PTPRN2: variants seen among roughly 807,000 people sequenced by gnomAD.
PTPRN2 encodes protein tyrosine phosphatase receptor type N2, also known as receptor-type tyrosine-protein phosphatase N2.
PTPRN2 carries 74 observed loss-of-function variants against 118.8 expected under a neutral mutation model. The observed-to-expected ratio is 0.62, with a 90% CI of 0.52 to 0.76. PTPRN2 has a LOEUF of 0.76. Among genes scored for constraint, PTPRN2 ranks in the 30% least tolerant of loss-of-function variants. The probability of loss-of-function intolerance (pLI) is 0.00; values close to 1 mark genes in which losing one functional copy is unlikely to be tolerated. For missense variants in PTPRN2, 1,481 were observed against 1,394.4 expected (o/e 1.06, Z -0.99); for synonymous variants, 641 against 608.0 (o/e 1.05, Z -0.80).
intron 6 of PTPRN2, among the ~76,000 whole-genome samples, chr7:158,149,441 TAA>T (rs112794279): frequency 1.0e-3 from 145 of 143,134 alleles, no homozygotes; most frequent in East Asian, 3.0e-3. Context: ...TCTCAAGAGG[TAA>T]AAAAAAAAAA....
At chr7:157,644,422 A>T (rs949604645) in intron 14 of PTPRN2, among the ~76,000 whole-genome samples, 3 of 152,202 alleles carry the variant, frequency 2.0e-5, no homozygotes, top group Admixed American at 2.0e-4. Context: ...CCAGCAGGCC[A>T]GGGCAGGCCC....
chr7:157,614,165 G>A (rs954799860), intron 15 of PTPRN2: 8 of 461,784 alleles, frequency 1.7e-5, no homozygotes, highest in Admixed American at 7.1e-5. Flanking sequence ...GGGAGGACAG[G>A]GGAGGGCCAG....
chr7:157,825,058 C>T (rs1456819010), intron 12 of PTPRN2, among the ~76,000 whole-genome samples: 2 of 152,210 alleles, frequency 1.3e-5, no homozygotes, highest in Admixed American at 1.3e-4. Context: ...GGATTCTTCA[C>T]CATCCCAGGC....
intron 6 of PTPRN2, among the ~76,000 whole-genome samples, chr7:158,147,659 C>A (rs1585621615): frequency 8.1e-6 from 1 of 123,412 alleles, no homozygotes; most frequent in East Asian, 2.6e-4. Flanking sequence ...TCTCATGCCA[C>A]GTGTCTTTCC....
Position 157,618,166 on chromosome 7 carries a change from G to C in PTPRN2, c.2344+3196C>G, listed in dbSNP as rs1020274501. 1.3e-5 allele frequency: 2 copies of C among 152,264 alleles called. No homozygotes were observed. The highest frequency in any genetic ancestry group is 1.5e-5 in the Non-Finnish European group (1 of 68,060). The allele number at this position is 152,264 out of a possible 1,614,324, so 9.4% of individuals were successfully genotyped here. A position where few individuals can be genotyped will look rare whatever the true frequency, so the allele number is the denominator to read the frequency against. ...AGTCGGGCGACTGTGTCCATCTCCT[G>C]GGTGGAAGAATGACCCAGGGAAGTG... On this transcript the variant is annotated intron_variant, in intron 15 of 22. Transcript: ENST00000389418. The surrounding 1 kb of genome is among the most constrained non-coding windows in gnomAD (Gnocchi z 4.2).
chr7:158,066,780 G>T (rs529378705), intron 11 of PTPRN2, among the ~76,000 whole-genome samples: 8 of 152,068 alleles, frequency 5.3e-5, no homozygotes, highest in Non-Finnish European at 7.4e-5. Context: ...AGGTGACTCT[G>T]GACCTCAGGA....
Position 157,615,183 on chromosome 7 carries a change from G to A in PTPRN2, c.2344+6179C>T, listed in dbSNP as rs1013289131. On this transcript the variant is annotated intron_variant, in intron 15 of 22. Transcript: ENST00000389418. The surrounding 1 kb of genome is among the most constrained non-coding windows in gnomAD (Gnocchi z 4.3). ...CAGCGTGGGTGGTGGGTGTGCAGGC[G>A]ATGCCACGCTACCCCTTCCACTTGA... 3.3e-5 allele frequency among the ~76,000 whole-genome samples: 5 copies of A among 152,358 alleles called. No individual in the cohort carries two copies. The highest frequency in any genetic ancestry group is 4.8e-5 in the African/African-American group (2 of 41,580).
At chr7:157,799,701 C>A (rs2076947235) in intron 12 of PTPRN2, among the ~76,000 whole-genome samples, 1 of 152,114 alleles carries the variant, frequency 6.6e-6, no homozygotes, top group African/African-American at 2.4e-5. Flanking sequence ...GCTGGCTTTG[C>A]ACCCACCAAG....
intron 2 of PTPRN2, 117 bp downstream of exon 2, chr7:158,489,618 G>A (rs1821288232): frequency 1.9e-6 from 2 of 1,076,692 alleles, no homozygotes; most frequent in East Asian, 3.1e-5. Context: ...CCTCTCGGCA[G>A]CGCGCCCCGG....
chr7:157,981,276 G>A (rs904824473), intron 11 of PTPRN2, among the ~76,000 whole-genome samples: 2 of 152,198 alleles, frequency 1.3e-5, no homozygotes, highest in Non-Finnish European at 2.9e-5. Context: ...GACGAGACAT[G>A]GAGAAGGCTT....
chr7:158,008,140 TGTGTGA>T (rs1462553687), intron 11 of PTPRN2, among the ~76,000 whole-genome samples: 8 of 45,234 alleles, frequency 1.8e-4, no homozygotes, highest in African/African-American at 4.8e-4. Context: ...CATGTACACA[TGTGTGA>T]GTGTGTGTGG....
chr7:158,319,743 TCACA>T lies in PTPRN2; in HGVS notation c.164-2815_164-2812del, dbSNP rs1300310599. On this transcript the variant is annotated intron_variant, in intron 2 of 22. Transcript: ENST00000389418. ...CCCTCACACACACTCACAGTCTCCC[TCACA>T]CACACAGCCTCCCTCACACACACAG... Among the ~76,000 whole-genome samples the T allele has an allele frequency of 4.3e-3, 47 of 11,038 alleles. 14 individuals carry two copies. The highest frequency in any genetic ancestry group is 0.036 in the African/African-American group (47 of 1,306). The allele number at this position is 11,038 out of a possible 152,430, so 7.2% of individuals were successfully genotyped here.
intron 2 of PTPRN2, among the ~76,000 whole-genome samples, chr7:158,460,605 G>A (rs115505033): frequency 2.0e-5 from 3 of 152,262 alleles, no homozygotes; most frequent in South Asian, 2.1e-4. Flanking sequence ...CTGCTACGGG[G>A]GCTGTGTGCC....
intron 9 of PTPRN2, among the ~76,000 whole-genome samples, chr7:158,117,376 G>GA (rs1009422541): frequency 1.3e-5 from 2 of 151,698 alleles, no homozygotes; most frequent in Admixed American, 1.3e-4. Flanking sequence ...CTAAGAAATA[G>GA]AAAAAAAGAT....
intron 1 of PTPRN2, among the ~76,000 whole-genome samples, chr7:158,576,452 G>T (rs1282158404): frequency 1.3e-5 from 2 of 152,230 alleles, no homozygotes; most frequent in African/African-American, 4.8e-5. Context: ...CTCGGGACAA[G>T]CCCCGGGGCC....
chr7:157,776,478 T>C (rs1232875926), intron 12 of PTPRN2, among the ~76,000 whole-genome samples: 1 of 140,260 alleles, frequency 7.1e-6, no homozygotes, highest in African/African-American at 3.0e-5. Context: ...CTTCTCCCTC[T>C]CCTCCTCCCT....
Position 158,005,275 on chromosome 7 carries a change from T to C in PTPRN2, c.1723+76023A>G, listed in dbSNP as rs941267067. Among the ~76,000 whole-genome samples, 3 of 151,870 alleles carry C rather than the reference T, an allele frequency of 2.0e-5. No individual in the cohort carries two copies. The East Asian group carries it at 5.8e-4, about 29-fold the overall frequency. ...TTTTAGTAGAGATGGGGTTTCTCCA[T>C]GTTGGTCAGGCTGGTCTCGAACTCC... On this transcript the variant is annotated intron_variant, in intron 11 of 22. Coordinates refer to ENST00000389418, the MANE Select transcript of PTPRN2 (RefSeq NM_002847.5).
chr7:158,071,017 TC>T lies in PTPRN2; in HGVS notation c.1723+10280del, dbSNP rs1563388913. Among the ~76,000 whole-genome samples the T allele has an allele frequency of 6.9e-5, 5 of 72,140 alleles. 1 individual carries two copies. The highest frequency in any genetic ancestry group is 2.1e-4 in the African/African-American group (3 of 14,116). 47.3% of individuals were successfully genotyped at this position (72,140 alleles called of 152,430 possible). A position where few individuals can be genotyped will look rare whatever the true frequency, so the allele number is the denominator to read the frequency against. On this transcript the variant is annotated intron_variant, in intron 11 of 22. Coordinates refer to ENST00000389418, the MANE Select transcript of PTPRN2 (RefSeq NM_002847.5). ...GAGGTGCTCATGGTGGTGGAGGTGCTCGTGGTGGAGGTGCTCTTAGTATGGA... is the reference window on the plus strand; with the variant it reads ...GAGGTGCTCATGGTGGTGGAGGTGCTGTGGTGGAGGTGCTCTTAGTATGGA...
chr7:157,731,979 GC>G (rs67980133), intron 12 of PTPRN2, among the ~76,000 whole-genome samples: 2 of 73,158 alleles, frequency 2.7e-5, no homozygotes, highest in East Asian at 3.3e-4. Context: ...CCCGTCCCAT[GC>G]GCCCAGCACA....
Sources: gnomAD v4.1 joint callset for allele counts (sites outside exome capture counted in the v4.1 genomes callset) on GRCh38, gnomAD v4.1.1 for gene constraint, Gnocchi (gnomAD v3.1) non-coding constraint, MANE v1.5 for transcripts, NCBI Gene and HGNC (gene_info 2026-07-23, HGNC 2026-07-21) for gene names.